The following NCK1 variants were observed in gnomAD, a reference collection of about 807,000 sequenced individuals.
NCK1 encodes the protein NCK adaptor protein 1, also known as SH2/SH3 adapter protein NCK1.
In NCK1, 19 loss-of-function variants were observed where a neutral mutation model predicts 36.6. The observed-to-expected ratio is 0.52, with a 90% confidence interval of 0.36 to 0.76. The LOEUF (loss-of-function observed/expected upper bound fraction) is 0.76, where lower values mean the gene tolerates loss of function less well. NCK1 is among the 30% of genes least tolerant of loss of function. The pLI, the probability that NCK1 is intolerant of heterozygous loss-of-function variation, is 0.00. For synonymous variants in NCK1, 165 were observed against 156.0 expected (o/e 1.06, Z -0.43); for missense variants, 358 against 445.6 (o/e 0.80, Z 1.77).
At chr3:136,872,743 C>T (rs1938661691) in intron 1 of NCK1, among the ~76,000 whole-genome samples, 1 of 152,200 alleles carries the variant, frequency 6.6e-6, no homozygotes, top group Non-Finnish European at 1.5e-5. Flanking sequence ...TGGTACCCAG[C>T]ATTCCAGCTG....
intron 1 of NCK1, among the ~76,000 whole-genome samples, chr3:136,912,985 C>G (rs1939867369): frequency 6.6e-6 from 1 of 151,950 alleles, no homozygotes; most frequent in Admixed American, 6.6e-5. Flanking sequence ...TCTCTTTACT[C>G]ATTTTCCTAC....
At position 136,949,999 on chromosome 3, in the gene NCK1, A is replaced by G. The variant is rs1940931846; in HGVS notation, c.*1546A>G. Among the ~76,000 whole-genome samples the G allele has an allele frequency of 6.6e-6, 1 of 152,086 alleles. No homozygotes were observed. ...TCTCTATTACATCTGCTTTTAAAAC[A>G]TTTTAGTTCATATTCTATTATTTTT... On this transcript the variant is annotated 3_prime_UTR_variant, in exon 4 of 4. Transcript: ENST00000481752.
chr3:136,946,183 A>G lies in NCK1; in HGVS notation c.827A>G (p.Lys276Arg). 3.7e-6 allele frequency: 6 copies of G among 1,613,622 alleles called. No individual in the cohort carries two copies. The highest frequency in any genetic ancestry group is 4.2e-6 in the Non-Finnish European group (5 of 1,179,902). Residue 276 changes from lysine (K) to arginine (R), a missense_variant, in exon 3 of 4, where the codon AAG (lysine) becomes AGG (arginine). This residue lies in a region of NCK1 where 207 missense variants were observed against 253.4 expected (regional missense o/e 0.82). Coordinates refer to ENST00000481752, the MANE Select transcript of NCK1 (RefSeq NM_001291999.2). Reference protein sequence around the residue: ...CDYIRPSLTGKFAGNPWYYGK... With the variant: ...CDYIRPSLTGRFAGNPWYYGK... ...TACATTAGGCCTTCACTCACTGGAA[A>G]GTTTGCTGGCAATCCTTGGTATTAT...
chr3:136,868,357 C>G (rs1560029188), intron 1 of NCK1, among the ~76,000 whole-genome samples: 1 of 151,736 alleles, frequency 6.6e-6, no homozygotes, highest in Non-Finnish European at 1.5e-5. Context: ...AGACGGAGTC[C>G]TGCTCTGTCA....
intron 1 of NCK1, among the ~76,000 whole-genome samples, chr3:136,922,019 G>A (rs765681184): frequency 8.5e-5 from 13 of 152,134 alleles, no homozygotes; most frequent in Non-Finnish European, 1.3e-4. Context: ...TCCTGACCTC[G>A]TGATCTGCCT....
At chr3:136,904,919 T>A (rs1259286850) in intron 1 of NCK1, among the ~76,000 whole-genome samples, 1 of 151,936 alleles carries the variant, frequency 6.6e-6, no homozygotes, top group African/African-American at 2.4e-5. Context: ...TTTTATCTGC[T>A]TAATCTAGTC....
intron 1 of NCK1, among the ~76,000 whole-genome samples, chr3:136,869,595 A>G (rs993296875): frequency 1.3e-5 from 2 of 152,152 alleles, no homozygotes; most frequent in Non-Finnish European, 2.9e-5. Context: ...GGTGAGTTAG[A>G]GTGCTTTTAT....
At chr3:136,913,194 A>C (rs1939874499) in intron 1 of NCK1, among the ~76,000 whole-genome samples, 1 of 151,914 alleles carries the variant, frequency 6.6e-6, no homozygotes, top group Non-Finnish European at 1.5e-5. Context: ...TTGTTGTTGA[A>C]AACTGGACAT....
chr3:136,869,206 C>T (rs1395515226), intron 1 of NCK1, among the ~76,000 whole-genome samples: 5 of 151,486 alleles, frequency 3.3e-5, no homozygotes, highest in Non-Finnish European at 7.4e-5. Context: ...TGCCATTCCA[C>T]TCCGGCCTGG....
chr3:136,895,122 G>A (rs896671773), intron 1 of NCK1, among the ~76,000 whole-genome samples: 7 of 152,154 alleles, frequency 4.6e-5, no homozygotes, highest in East Asian at 1.9e-4. Flanking sequence ...TTATCCACCC[G>A]CCTCGGCCTC....
chr3:136,899,068 C>T (rs1305784458), intron 1 of NCK1: 2 of 178,304 alleles, frequency 1.1e-5, no homozygotes, highest in African/African-American at 4.7e-5. Context: ...GTACCACAGT[C>T]AGCCTCTAGT....
chr3:136,868,011 G>C (rs9883108), intron 1 of NCK1, among the ~76,000 whole-genome samples: 103,623 of 151,734 alleles, frequency 0.68, 35,680 homozygotes, highest in East Asian at 0.87. Flanking sequence ...TCCGCCTCTC[G>C]GGTTCAAGCA....
chr3:136,894,259 A>G (rs1939335077), intron 1 of NCK1, among the ~76,000 whole-genome samples: 1 of 152,138 alleles, frequency 6.6e-6, no homozygotes, highest in Admixed American at 6.5e-5. Flanking sequence ...AATTGTGGGG[A>G]TAGGAAATCC....
intron 1 of NCK1, among the ~76,000 whole-genome samples, chr3:136,912,526 C>T (rs1333232122): frequency 1.3e-5 from 2 of 149,932 alleles, no homozygotes; most frequent in East Asian, 3.9e-4. Flanking sequence ...TATCATCACA[C>T]TTGTTGATTC....
At chr3:136,912,025 G>C (rs1939838500) in intron 1 of NCK1, among the ~76,000 whole-genome samples, 1 of 151,942 alleles carries the variant, frequency 6.6e-6, no homozygotes, top group African/African-American at 2.4e-5. Flanking sequence ...AAGAGTCTCT[G>C]TTTCTTTTTG....
At chr3:136,899,583 A>G in intron 1 of NCK1, 1 of 607,884 alleles carries the variant, frequency 1.6e-6, no homozygotes, top group Admixed American at 2.3e-5. Flanking sequence ...TTCCAGAAAA[A>G]TTTTCCTCTG....
chr3:136,893,404 G>A (rs1251578652), intron 1 of NCK1, among the ~76,000 whole-genome samples: 2 of 151,864 alleles, frequency 1.3e-5, no homozygotes, highest in Non-Finnish European at 2.9e-5. Context: ...GGTAATTAGT[G>A]ATGTTGAACA....
intron 1 of NCK1, among the ~76,000 whole-genome samples, chr3:136,912,464 T>A (rs1216284916): frequency 6.6e-6 from 1 of 150,660 alleles, no homozygotes; most frequent in Admixed American, 6.7e-5. Context: ...TGATAGTGTC[T>A]GTTTGCCTCT....
intron 1 of NCK1, among the ~76,000 whole-genome samples, chr3:136,881,724 T>G (rs1281358892): frequency 6.6e-6 from 1 of 152,208 alleles, no homozygotes; most frequent in Non-Finnish European, 1.5e-5. Context: ...TCTTCATGTT[T>G]CTCCTTTATG....
Sources: allele counts gnomAD v4.1 joint callset (sites outside exome capture counted in the v4.1 genomes callset), GRCh38; gene constraint gnomAD v4.1.1; regional missense constraint gnomAD v4.1.1; transcripts MANE v1.5; gene names NCBI Gene and HGNC (gene_info 2026-07-23, HGNC 2026-07-21).